The following NRG3 variants were observed in gnomAD, a reference collection of about 807,000 sequenced individuals.
NRG3 encodes the protein pro-neuregulin-3, membrane-bound isoform.
NRG3 carries 31 observed loss-of-function variants against 66.9 expected under a neutral mutation model. The observed-to-expected ratio is 0.46, with a 90% CI of 0.35 to 0.63. The LOEUF is 0.63. Ranked by LOEUF, NRG3 falls within the 20% of genes least tolerant of loss-of-function variation. NRG3 has a pLI of 0.00. For missense variants in NRG3, 910 were observed against 878.9 expected (o/e 1.04, Z -0.45); for synonymous variants, 393 against 359.4 (o/e 1.09, Z -1.06).
intron 2 of NRG3, among the ~76,000 whole-genome samples, chr10:82,549,066 T>TA (rs1217269845): frequency 6.6e-6 from 1 of 152,154 alleles, no homozygotes; most frequent in African/African-American, 2.4e-5. Context: ...GCTGAGCTCA[T>TA]ACCTTCACTC....
chr10:82,014,783 G>T (rs1196958195), intron 1 of NRG3, among the ~76,000 whole-genome samples: 1 of 152,132 alleles, frequency 6.6e-6, no homozygotes, highest in Non-Finnish European at 1.5e-5. Context: ...TGAACTAAAG[G>T]CATGCAGTAG....
chr10:82,286,875 C>T (rs897420998), intron 1 of NRG3, among the ~76,000 whole-genome samples: 11 of 152,148 alleles, frequency 7.2e-5, no homozygotes, highest in East Asian at 1.9e-4. Context: ...CGTGAGCCAC[C>T]GTGCCCAGTT....
chr10:82,344,633 C>G (rs796262962), intron 1 of NRG3, among the ~76,000 whole-genome samples: 6 of 137,054 alleles, frequency 4.4e-5, no homozygotes, highest in Admixed American at 7.0e-5. Flanking sequence ...CCTGAGGAAT[C>G]GCCACACTGA....
intron 2 of NRG3, among the ~76,000 whole-genome samples, chr10:82,548,035 CCACG>C (rs2044042203): frequency 8.0e-6 from 1 of 125,284 alleles, no homozygotes; most frequent in Non-Finnish European, 1.6e-5. Context: ...GTGACTCATG[CCACG>C]TTTTTTTTTT....
intron 3 of NRG3, among the ~76,000 whole-genome samples, chr10:82,741,843 A>G (rs2058438546): frequency 7.2e-6 from 1 of 138,278 alleles, no homozygotes; most frequent in African/African-American, 2.5e-5. Flanking sequence ...AATTCCACTG[A>G]CTGAAACTCA....
intron 2 of NRG3, among the ~76,000 whole-genome samples, chr10:82,522,334 T>C (rs1294686718): frequency 6.6e-6 from 1 of 152,118 alleles, no homozygotes; most frequent in South Asian, 2.1e-4. Flanking sequence ...CATGAGCCAC[T>C]GCGCCTGGCC....
chr10:82,312,552 A>G (rs1170163817), intron 1 of NRG3, among the ~76,000 whole-genome samples: 1 of 152,214 alleles, frequency 6.6e-6, no homozygotes, highest in Non-Finnish European at 1.5e-5. Flanking sequence ...CAAGAATGCA[A>G]TGTGATTGTA....
chr10:82,501,421 C>T (rs960613999), intron 2 of NRG3, among the ~76,000 whole-genome samples: 1 of 152,168 alleles, frequency 6.6e-6, no homozygotes, highest in African/African-American at 2.4e-5. Context: ...CCCTGTTACA[C>T]TCAGGTCAAA....
intron 2 of NRG3, among the ~76,000 whole-genome samples, chr10:82,555,783 C>A (rs548594144): frequency 1.3e-5 from 2 of 152,316 alleles, no homozygotes; most frequent in African/African-American, 4.8e-5. Context: ...CTTAAATGGT[C>A]ATTGATAACA....
At chr10:82,070,803 C>CA (rs1197181962) in intron 1 of NRG3, among the ~76,000 whole-genome samples, 1 of 152,018 alleles carries the variant, frequency 6.6e-6, no homozygotes, top group Non-Finnish European at 1.5e-5. Context: ...TTTTGCCTAT[C>CA]AAATTAATAT....
chr10:82,908,788 A>G (rs1471691252), intron 4 of NRG3, among the ~76,000 whole-genome samples: 2 of 152,220 alleles, frequency 1.3e-5, no homozygotes, highest in Non-Finnish European at 2.9e-5. Context: ...CTCTGTTCAC[A>G]ATGAGATAAG....
At chr10:82,362,547 G>GTTTTTTTTTTTTT (rs1564840163) in intron 2 of NRG3, among the ~76,000 whole-genome samples, 1 of 47,268 alleles carries the variant, frequency 2.1e-5, no homozygotes, top group Non-Finnish European at 3.2e-5. Flanking sequence ...ATAATTTCTG[G>GTTTTTTTTTTTTT]GTTTTTTTTT....
intron 2 of NRG3, among the ~76,000 whole-genome samples, chr10:82,408,085 CAGAAAGAA>C (rs71009807): frequency 0.095 from 7,081 of 74,628 alleles, 361 homozygotes; most frequent in Non-Finnish European, 0.12. Context: ...GAGAGAGAGA[CAGAAAGAA>C]AGAAAGAAAG....
chr10:82,160,175 C>A (rs1203402022), intron 1 of NRG3, among the ~76,000 whole-genome samples: 3 of 151,884 alleles, frequency 2.0e-5, no homozygotes, highest in Non-Finnish European at 4.4e-5. Context: ...TTTTACCTAC[C>A]TAAACACAAT....
chr10:82,373,257 A>C (rs1484554488), intron 2 of NRG3, among the ~76,000 whole-genome samples: 1 of 152,240 alleles, frequency 6.6e-6, no homozygotes, highest in African/African-American at 2.4e-5. Flanking sequence ...CTAGTTTCTC[A>C]AATACTGCTT....
chr10:82,780,077 T>C (rs1054992205), intron 3 of NRG3, among the ~76,000 whole-genome samples: 2 of 152,218 alleles, frequency 1.3e-5, no homozygotes, highest in African/African-American at 4.8e-5. Context: ...CTGCATAGTA[T>C]TCCATGGCGT....
At chr10:82,079,106 G>A (rs754600132) in intron 1 of NRG3, among the ~76,000 whole-genome samples, 15 of 149,300 alleles carry the variant, frequency 1.0e-4, no homozygotes, top group Admixed American at 6.0e-4. Context: ...CCACTCTTTC[G>A]CGATCTCGGC....
intron 3 of NRG3, among the ~76,000 whole-genome samples, chr10:82,832,691 A>C (rs1465058710): frequency 6.6e-6 from 1 of 152,142 alleles, no homozygotes; most frequent in Admixed American, 6.6e-5. Flanking sequence ...ATATGATGGA[A>C]TATTATTCTG....
chr10:82,000,133 A>G (rs1318146393), intron 1 of NRG3, among the ~76,000 whole-genome samples: 1 of 152,214 alleles, frequency 6.6e-6, no homozygotes, highest in African/African-American at 2.4e-5. Context: ...TGTGTTTTAC[A>G]AATTATTCAT....
Sources: allele counts gnomAD v4.1 joint callset (sites outside exome capture counted in the v4.1 genomes callset), GRCh38; gene constraint gnomAD v4.1.1; transcripts MANE v1.5; gene names NCBI Gene and HGNC (gene_info 2026-07-23, HGNC 2026-07-21).